Variants in BMP8A observed in about 807,000 individuals in gnomAD.
The protein encoded by BMP8A is bone morphogenetic protein 8a, also known as BMP-8A.
Under a neutral mutation model 36.8 loss-of-function variants are expected in BMP8A, and 14 were observed. That is an observed-to-expected ratio of 0.38 (90% CI 0.25 to 0.60). The LOEUF (loss-of-function observed/expected upper bound fraction) is 0.60, where lower values mean the gene tolerates loss of function less well. Among genes scored for constraint, BMP8A ranks in the 20% least tolerant of loss-of-function variants. The pLI is 0.63. For synonymous variants in BMP8A, 120 were observed against 237.7 expected (o/e 0.50, Z 4.55); for missense variants, 267 against 551.1 (o/e 0.48, Z 5.16).
At chr1:39,494,843 A>C (rs1645191432) in intron 1 of BMP8A, among the ~76,000 whole-genome samples, 1 of 152,176 alleles carries the variant, frequency 6.6e-6, no homozygotes, top group Non-Finnish European at 1.5e-5. Context: ...CACTTCATGA[A>C]GACTCGGGGC....
intron 1 of BMP8A, 139 bp downstream of exon 1, chr1:39,492,464 C>A (rs1645169437): frequency 7.5e-7 from 1 of 1,334,140 alleles, no homozygotes; most frequent in Non-Finnish European, 9.6e-7. Flanking sequence ...GTGGGACCGC[C>A]GTGGTTAGGG....
In BMP8A at chr1:39,492,153, A is replaced by C; in HGVS notation, c.162A>C (p.Leu54=). ...VQREILAVLG[L]PGRPRPRAPP... ...GCGAGATCCTGGCGGTGCTCGGGCT[A>C]CCCGGGCGGCCCCGGCCCCGCGCGC... Residue 54 remains leucine, a synonymous_variant, in exon 1 of 7, where the codon CTA becomes CTC. Transcript: ENST00000331593. 1 of 1,276,078 alleles carries C rather than the reference A, an allele frequency of 7.8e-7. No homozygotes were observed. Among genetic ancestry groups the C allele is most frequent in the Non-Finnish European group, 9.8e-7 (1 of 1,017,944 alleles). 79.0% of individuals were successfully genotyped at this position (1,276,078 alleles called of 1,614,324 possible).
rs1160982635 is a variant in BMP8A at position 39,529,465 on chromosome 1, G to A, written c.*3667G>A. On this transcript the variant is annotated 3_prime_UTR_variant, in exon 7 of 7. Transcript: ENST00000331593. ...GCCCTGCCCTGGCCCCGTAGTGAGT[G>A]TGGGGCCCACCTGTGCCCTCATGGG... 6.6e-6 allele frequency among the ~76,000 whole-genome samples: 1 copy of A among 152,250 alleles called. No individual in the cohort carries two copies. The highest frequency in any genetic ancestry group is 1.5e-5 in the Non-Finnish European group (1 of 68,050).
chr1:39,522,078 T>C (rs1645431371), intron 4 of BMP8A, among the ~76,000 whole-genome samples: 1 of 123,820 alleles, frequency 8.1e-6, no homozygotes, highest in African/African-American at 2.8e-5. Context: ...TGGGCTGGAG[T>C]CACAGGGGTC....
rs1344182359 is a variant in BMP8A at position 39,527,842 on chromosome 1, G to A, written c.*2044G>A. On this transcript the variant is annotated 3_prime_UTR_variant, in exon 7 of 7. Transcript: ENST00000331593. ...TTCAGTTTCTCATCTGCAACATGAG[G>A]ACATAGGACTCTTTAATTCCAAAGG... is the stretch of plus-strand genomic sequence containing the variant. Among the ~76,000 whole-genome samples the A allele has an allele frequency of 6.6e-6, 1 of 152,206 alleles. No individual in the cohort carries two copies. The highest frequency in any genetic ancestry group is 6.5e-5 in the Admixed American group (1 of 15,282).
intron 1 of BMP8A, among the ~76,000 whole-genome samples, chr1:39,505,151 A>G (rs1055823274): frequency 1.3e-5 from 2 of 152,242 alleles, no homozygotes; most frequent in East Asian, 3.9e-4. Flanking sequence ...AGTCCTCCTC[A>G]GCACAGACCC....
In BMP8A at chr1:39,515,022, G is replaced by A. The variant is rs1198501458; in HGVS notation, c.673+3118G>A. On this transcript the variant is annotated intron_variant, in intron 3 of 6. Coordinates refer to ENST00000331593, the MANE Select transcript of BMP8A (RefSeq NM_181809.4). ...GGTCCCCGCCGGCGGCTCAGGGCTC[G>A]CGCTGTCCCAGGGCTGCGCCCGCTG... 32 of 1,548,736 alleles carry A rather than the reference G, an allele frequency of 2.1e-5. No homozygotes were observed. In the East Asian group the frequency reaches 7.8e-4, roughly 38 times the overall value.
chr1:39,499,087 C>A (rs1645231476), intron 1 of BMP8A, among the ~76,000 whole-genome samples: 1 of 152,252 alleles, frequency 6.6e-6, no homozygotes, highest in Non-Finnish European at 1.5e-5. Flanking sequence ...TGGCTCCATC[C>A]CGGCCCTCCA....
chr1:39,522,636 G>A, intron 5 of BMP8A, 154 bp downstream of exon 5: 1 of 1,251,466 alleles, frequency 8.0e-7, no homozygotes. Flanking sequence ...AGAATATGGT[G>A]AGAAAGGGTT....
chr1:39,496,317 G>A (rs1348939966), intron 1 of BMP8A, among the ~76,000 whole-genome samples: 2 of 149,690 alleles, frequency 1.3e-5, no homozygotes, highest in Non-Finnish European at 3.0e-5. Context: ...GAGCCCTAAA[G>A]GTAATTGTCG....
chr1:39,524,469 G>T lies in BMP8A; in HGVS notation c.1060-1180G>T, dbSNP rs567803204. ...GACTGGGCCCAGCCTCTCCACACAA[G>T]GAGGGGCACGTCAGCAGCTGGAGGA... On this transcript the variant is annotated intron_variant, in intron 6 of 6. Transcript: ENST00000331593. The surrounding 1 kb of genome is among the most constrained non-coding windows in gnomAD (Gnocchi z 4.0). Among the ~76,000 whole-genome samples, 1 of 152,198 alleles carries T rather than the reference G, an allele frequency of 6.6e-6. No individual in the cohort carries two copies. Among genetic ancestry groups the T allele is most frequent in the African/African-American group, 2.4e-5 (1 of 41,444 alleles).
chr1:39,492,186 C>T lies in BMP8A; in HGVS notation c.195C>T (p.Ala65=), dbSNP rs574334466. The T allele has an allele frequency of 2.2e-5, 29 of 1,345,976 alleles. No individual in the cohort carries two copies. The African/African-American group carries it at 3.7e-4, about 17-fold the overall frequency. The allele number at this position is 1,345,976 out of a possible 1,614,324, so 83.4% of individuals were successfully genotyped here. The part of the protein sequence containing the change: ...PGRPRPRAPP[A]ASRLPASAPL... Reference sequence around the variant, plus strand: ...GGCCCCGGCCCCGCGCGCCACCCGCCGCCTCCCGGCTGCCCGCGTCCGCGC... The same window carrying T: ...GGCCCCGGCCCCGCGCGCCACCCGCTGCCTCCCGGCTGCCCGCGTCCGCGC... Residue 65 remains alanine (A), a synonymous_variant, in exon 1 of 7, where the codon GCC becomes GCT. Coordinates refer to ENST00000331593, the MANE Select transcript of BMP8A (RefSeq NM_181809.4).
At chr1:39,501,563 C>T (rs559147714) in intron 1 of BMP8A, among the ~76,000 whole-genome samples, 4 of 152,098 alleles carry the variant, frequency 2.6e-5, no homozygotes, top group Non-Finnish European at 5.9e-5. Context: ...TCTCACTCTA[C>T]CTCAAAACAA....
rs183857666 is a variant in BMP8A, at chr1:39,494,916, G to A, written c.334+2591G>A. On this transcript the variant is annotated intron_variant, in intron 1 of 6. Coordinates refer to ENST00000331593, the MANE Select transcript of BMP8A (RefSeq NM_181809.4). ...GTGGAAGCCCAGGCTGTGGGTGGGC[G>A]CAGCCAGCTGTCAGAAAGGCCTTCT... Among the ~76,000 whole-genome samples the A allele has an allele frequency of 1.5e-3, 235 of 151,804 alleles. 1 individual carries two copies. Among genetic ancestry groups the A allele is most frequent in the Admixed American group, 6.2e-3 (94 of 15,220 alleles).
chr1:39,525,346 C>T (rs184591407), intron 6 of BMP8A, among the ~76,000 whole-genome samples: 1 of 152,228 alleles, frequency 6.6e-6, no homozygotes, highest in Admixed American at 6.5e-5. Context: ...TTCCCATTAT[C>T]CCCAGGAGGA....
At chr1:39,520,811 GC>G (rs578142066) in intron 3 of BMP8A, among the ~76,000 whole-genome samples, 841 of 39,116 alleles carry the variant, frequency 0.022, 3 homozygotes, top group African/African-American at 0.093. Context: ...GACAGTTAAT[GC>G]CCTGCTCTTG....
At chr1:39,498,088 C>A (rs1291113519) in intron 1 of BMP8A, among the ~76,000 whole-genome samples, 1 of 152,242 alleles carries the variant, frequency 6.6e-6, no homozygotes, top group Non-Finnish European at 1.5e-5. Context: ...CATCAGAGGT[C>A]TCTATTCTGA....
chr1:39,500,213 TCTC>T (rs1446239384), intron 1 of BMP8A, among the ~76,000 whole-genome samples: 2 of 152,340 alleles, frequency 1.3e-5, no homozygotes, highest in East Asian at 1.9e-4. Context: ...ACTGGTTCCT[TCTC>T]CTACAGTCGA....
intron 1 of BMP8A, among the ~76,000 whole-genome samples, chr1:39,498,171 T>G (rs1645221921): frequency 6.6e-6 from 1 of 152,218 alleles, no homozygotes; most frequent in Non-Finnish European, 1.5e-5. Context: ...CTGCAGGACC[T>G]GAAGTCCTTT....
Sources: allele counts gnomAD v4.1 joint callset (sites outside exome capture counted in the v4.1 genomes callset), GRCh38; gene constraint gnomAD v4.1.1; non-coding constraint Gnocchi (gnomAD v3.1); transcripts MANE v1.5; gene names NCBI Gene and HGNC (gene_info 2026-07-23, HGNC 2026-07-21).